PVT1: variants seen among roughly 807,000 people sequenced by gnomAD.
PVT1 encodes the protein Pvt1 oncogene.
chr8:128,002,310 A>G (rs1170446969), intron 4 of PVT1, among the ~76,000 whole-genome samples: 3 of 152,116 alleles, frequency 2.0e-5, no homozygotes, highest in African/African-American at 4.8e-5. Context: ...CTACTCTCCA[A>G]TCTGGCCTCT....
At chr8:127,877,342 G>T (rs1815417492) in intron 2 of PVT1, among the ~76,000 whole-genome samples, 1 of 152,226 alleles carries the variant, frequency 6.6e-6, no homozygotes, top group Non-Finnish European at 1.5e-5. Context: ...AGACCTGTCT[G>T]TGGGGTTGTG....
At chr8:127,821,896 A>T (rs892458682) in intron 2 of PVT1, among the ~76,000 whole-genome samples, 1 of 152,232 alleles carries the variant, frequency 6.6e-6, no homozygotes, top group Non-Finnish European at 1.5e-5. Flanking sequence ...ACTGTGACAC[A>T]AACGGTGGAC....
intron 4 of PVT1, among the ~76,000 whole-genome samples, chr8:128,000,772 AGCT>A (rs1485502366): frequency 6.6e-6 from 1 of 152,184 alleles, no homozygotes; most frequent in Admixed American, 6.5e-5. Context: ...ACTTGGAACC[AGCT>A]GCGTTGTGCT....
At chr8:127,956,852 C>A (rs1816576004) in intron 3 of PVT1, among the ~76,000 whole-genome samples, 1 of 152,218 alleles carries the variant, frequency 6.6e-6, no homozygotes, top group African/African-American at 2.4e-5. Context: ...CACACTTGAG[C>A]TAGAGCCCTC....
At chr8:128,033,154 A>G (rs1244417392) in intron 4 of PVT1, among the ~76,000 whole-genome samples, 2 of 152,236 alleles carry the variant, frequency 1.3e-5, no homozygotes, top group Non-Finnish European at 2.9e-5. Flanking sequence ...AGAAGAAGAG[A>G]CTAGCAGGCA....
intron 3 of PVT1, among the ~76,000 whole-genome samples, chr8:127,926,123 C>G (rs1816126960): frequency 6.6e-6 from 1 of 152,200 alleles, no homozygotes. Context: ...CGGCTCTCTT[C>G]TCCCCAGAGT....
At chr8:127,972,910 A>G (rs1030376511) in intron 3 of PVT1, among the ~76,000 whole-genome samples, 3 of 152,108 alleles carry the variant, frequency 2.0e-5, no homozygotes, top group Admixed American at 2.0e-4. Flanking sequence ...TTTTTGATTA[A>G]AACAAATTTT....
intron 4 of PVT1, among the ~76,000 whole-genome samples, chr8:128,011,712 A>C (rs1490025771): frequency 1.3e-5 from 2 of 152,338 alleles, no homozygotes; most frequent in Admixed American, 6.5e-5. Context: ...GTTAGGAGGT[A>C]GAGACTGGAC....
chr8:127,911,512 C>T (rs1003829011), intron 3 of PVT1, among the ~76,000 whole-genome samples: 2 of 152,230 alleles, frequency 1.3e-5, no homozygotes, highest in Admixed American at 6.5e-5. Context: ...CTGTGAAGTA[C>T]GGGACTGGAG....
chr8:127,934,979 CT>C (rs1369208955), intron 3 of PVT1, among the ~76,000 whole-genome samples: 2 of 151,224 alleles, frequency 1.3e-5, no homozygotes, highest in Admixed American at 6.6e-5. Context: ...AAGTTCTCTT[CT>C]TTTTTTTTGA....
At chr8:127,808,340 G>A (rs114899397) in intron 2 of PVT1, among the ~76,000 whole-genome samples, 1,985 of 152,252 alleles carry the variant, frequency 0.013, 49 homozygotes, top group African/African-American at 0.044. Context: ...GAGCCACGGC[G>A]TCCAGCCTGT....
At chr8:127,932,152 T>G (rs1816213282) in intron 3 of PVT1, among the ~76,000 whole-genome samples, 1 of 152,180 alleles carries the variant, frequency 6.6e-6, no homozygotes. Flanking sequence ...TTGCTGGGAA[T>G]GCCGTGCACT....
intron 2 of PVT1, among the ~76,000 whole-genome samples, chr8:127,875,369 C>G (rs1198588336): frequency 1.3e-5 from 2 of 151,300 alleles, no homozygotes; most frequent in South Asian, 2.1e-4. Context: ...CTCTGTCTCT[C>G]TCTCTCTCTC....
chr8:127,933,319 C>CCT (rs1816233859), intron 3 of PVT1, among the ~76,000 whole-genome samples: 1 of 152,210 alleles, frequency 6.6e-6, no homozygotes, highest in African/African-American at 2.4e-5. Context: ...AGGTGATCCA[C>CCT]CTGCCTTGGC....
chr8:128,002,968 T>TCCCTCTTCCCTCCTTCCTTC (rs564255495), intron 4 of PVT1, among the ~76,000 whole-genome samples: 1 of 84,602 alleles, frequency 1.2e-5, no homozygotes, highest in Admixed American at 1.4e-4. Context: ...CCTCCCTCCC[T>TCCCTCTTCCCTCCTTCCTTC]CTTCCTTCCT....
At chr8:128,066,530 A>C (rs1813913487) in intron 4 of PVT1, among the ~76,000 whole-genome samples, 1 of 152,214 alleles carries the variant, frequency 6.6e-6, no homozygotes, top group Non-Finnish European at 1.5e-5. Context: ...GACTAATACT[A>C]ATACAACCTG....
At chr8:127,871,942 A>G (rs112887584) in intron 2 of PVT1, among the ~76,000 whole-genome samples, 1,737 of 152,228 alleles carry the variant, frequency 0.011, 39 homozygotes, top group African/African-American at 0.04. Context: ...TACAAAAAAA[A>G]TTAGCCAGAC....
At chr8:127,923,597 A>T (rs1816091527) in intron 3 of PVT1, among the ~76,000 whole-genome samples, 1 of 152,194 alleles carries the variant, frequency 6.6e-6, no homozygotes, top group Non-Finnish European at 1.5e-5. Flanking sequence ...ATGAAGGAAG[A>T]TGTCTCCCCA....
chr8:127,921,958 T>C (rs1816066225), intron 3 of PVT1, among the ~76,000 whole-genome samples: 1 of 137,162 alleles, frequency 7.3e-6, no homozygotes. Flanking sequence ...CCTCCTGGGT[T>C]CAAGCAATTT....
Sources: allele counts gnomAD v4.1 joint callset (sites outside exome capture counted in the v4.1 genomes callset), GRCh38; gene constraint gnomAD v4.1.1; transcripts MANE v1.5; gene names NCBI Gene and HGNC (gene_info 2026-07-23, HGNC 2026-07-21).